PPP2R2C: variants seen among roughly 807,000 people sequenced by gnomAD.
The protein encoded by PPP2R2C is protein phosphatase 2 regulatory subunit Bgamma.
In PPP2R2C, 10 loss-of-function variants were observed where a neutral mutation model predicts 45.3. The observed-to-expected ratio is 0.22, with a 90% CI of 0.14 to 0.37. The LOEUF (loss-of-function observed/expected upper bound fraction) is 0.37. PPP2R2C is among the 10% of genes least tolerant of loss of function. PPP2R2C has a pLI of 1.00. For synonymous variants in PPP2R2C, 257 were observed against 245.4 expected (o/e 1.05, Z -0.44); for missense variants, 308 against 619.7 (o/e 0.50, Z 5.34).
intron 6 of PPP2R2C, among the ~76,000 whole-genome samples, chr4:6,346,657 G>T (rs1577088922): frequency 6.6e-6 from 1 of 152,222 alleles, no homozygotes; most frequent in East Asian, 1.9e-4. Flanking sequence ...AGATGAGGGG[G>T]TGGATGTGGG....
At chr4:6,350,531 T>C in intron 5 of PPP2R2C, 1 of 985,310 alleles carries the variant, frequency 1.0e-6, no homozygotes, top group Non-Finnish European at 1.2e-6. Context: ...AGGAGTTCTG[T>C]TTGCGTCATC....
intron 1 of PPP2R2C, among the ~76,000 whole-genome samples, chr4:6,424,721 C>G (rs373193323): frequency 2.6e-5 from 4 of 152,236 alleles, no homozygotes; most frequent in Middle Eastern, 3.4e-3. Context: ...TGCAAGGGTT[C>G]AGGGATGGGA....
chr4:6,485,686 T>C (rs1283455252), intron 2 of PPP2R2C, among the ~76,000 whole-genome samples: 1 of 151,896 alleles, frequency 6.6e-6, no homozygotes, highest in East Asian at 1.9e-4. Flanking sequence ...CTTATTGTTA[T>C]TTTAATGACT....
chr4:6,348,058 G>A, intron 5 of PPP2R2C, 48 bp from the exon 6 acceptor site: 1 of 1,593,670 alleles, frequency 6.3e-7, no homozygotes, highest in Admixed American at 1.7e-5. Context: ...CGCCCTCAAT[G>A]CTCCGCCTTC....
At chr4:6,558,151 G>A (rs1389803123) in intron 1 of PPP2R2C, among the ~76,000 whole-genome samples, 1 of 152,208 alleles carries the variant, frequency 6.6e-6, no homozygotes, top group Non-Finnish European at 1.5e-5. Context: ...TGGCTGTGAT[G>A]ATCGCATCCC....
intron 2 of PPP2R2C, among the ~76,000 whole-genome samples, chr4:6,520,735 C>G (rs1723992449): frequency 6.6e-6 from 1 of 152,228 alleles, no homozygotes; most frequent in African/African-American, 2.4e-5. Context: ...AGCCTGGGAG[C>G]TGTGGTGTGG....
intron 2 of PPP2R2C, among the ~76,000 whole-genome samples, chr4:6,532,923 T>C (rs1014143585): frequency 2.0e-5 from 3 of 152,248 alleles, no homozygotes; most frequent in African/African-American, 4.8e-5. Context: ...TTGTCTGCTC[T>C]ATTCACAGAG....
chr4:6,514,069 AC>A (rs774830773), intron 2 of PPP2R2C, among the ~76,000 whole-genome samples: 15 of 152,242 alleles, frequency 9.9e-5, no homozygotes, highest in Non-Finnish European at 1.8e-4. Flanking sequence ...GTTCATGTGC[AC>A]CGAATTCATT....
At chr4:6,470,093 C>A (rs1044545724) in intron 1 of PPP2R2C, among the ~76,000 whole-genome samples, 1 of 152,200 alleles carries the variant, frequency 6.6e-6, no homozygotes, top group Non-Finnish European at 1.5e-5. Flanking sequence ...ACCGTTGCAC[C>A]TGCTCCTCAC....
chr4:6,559,625 C>G (rs1725513290), intron 1 of PPP2R2C, among the ~76,000 whole-genome samples: 1 of 152,094 alleles, frequency 6.6e-6, no homozygotes, highest in Non-Finnish European at 1.5e-5. Flanking sequence ...ATCCTAACCC[C>G]CAATGTGAGA....
intron 1 of PPP2R2C, chr4:6,383,191 C>T: frequency 8.4e-7 from 1 of 1,186,716 alleles, no homozygotes; most frequent in Non-Finnish European, 1.1e-6. Flanking sequence ...CGCAGGCTGG[C>T]CCACTGGCCC....
At chr4:6,550,339 CAT>C (rs1219872755) in intron 1 of PPP2R2C, among the ~76,000 whole-genome samples, 1 of 152,100 alleles carries the variant, frequency 6.6e-6, no homozygotes, top group Admixed American at 6.5e-5. Flanking sequence ...CAGGCCAGCA[CAT>C]GAGACCCTTG....
chr4:6,511,759 G>T (rs1186266198), intron 2 of PPP2R2C, among the ~76,000 whole-genome samples: 1 of 49,338 alleles, frequency 2.0e-5, no homozygotes. Context: ...GGCAATGGTG[G>T]TGGTGATGGT....
At position 6,322,599 on chromosome 4, in the gene PPP2R2C, G is replaced by A. The variant is rs1053648836; in HGVS notation, c.*703C>T. On this transcript the variant is annotated 3_prime_UTR_variant, in exon 9 of 9. Transcript: ENST00000382599. This position sits in a 1 kb window ranked among gnomAD's most constrained non-coding sequence, Gnocchi z 7.8. ...TCAGCAAATGGCAGGTGAATCAGATGAGGACACAGGCACACAGAAGACAAA... is the reference window on the plus strand; with the variant it reads ...TCAGCAAATGGCAGGTGAATCAGATAAGGACACAGGCACACAGAAGACAAA... 3.3e-5 allele frequency: 5 copies of A among 152,216 alleles called. No homozygotes were observed. The highest frequency in any genetic ancestry group is 5.9e-5 in the Non-Finnish European group (4 of 68,080). 9.4% of individuals were successfully genotyped at this position (152,216 alleles called of 1,614,324 possible).
chr4:6,462,538 G>T (rs1240130879), intron 1 of PPP2R2C, among the ~76,000 whole-genome samples: 1 of 152,042 alleles, frequency 6.6e-6, no homozygotes, highest in Non-Finnish European at 1.5e-5. Flanking sequence ...CTGAAAAGGG[G>T]ATGGAGGCTG....
intron 1 of PPP2R2C, among the ~76,000 whole-genome samples, chr4:6,389,366 G>A (rs1377057066): frequency 2.0e-5 from 3 of 152,226 alleles, no homozygotes; most frequent in Non-Finnish European, 4.4e-5. Context: ...ATCCATCAGG[G>A]CTCAGGGCAG....
chr4:6,452,644 C>G (rs2108747920), intron 1 of PPP2R2C, among the ~76,000 whole-genome samples: 1 of 152,366 alleles, frequency 6.6e-6, no homozygotes, highest in African/African-American at 2.4e-5. Context: ...CCCACTGTCC[C>G]CATGTGGCCA....
intron 2 of PPP2R2C, among the ~76,000 whole-genome samples, chr4:6,519,930 CAT>C (rs2108812794): frequency 6.6e-6 from 1 of 152,108 alleles, no homozygotes; most frequent in South Asian, 2.1e-4. Flanking sequence ...CTGGCTTGCT[CAT>C]ATATATCTCA....
At position 6,332,774 on chromosome 4, in the gene PPP2R2C, G is replaced by A. The variant is rs1463668064; in HGVS notation, c.960+788C>T. Among the ~76,000 whole-genome samples the A allele has an allele frequency of 6.6e-6, 1 of 152,146 alleles. No individual in the cohort carries two copies. Among genetic ancestry groups the A allele is most frequent in the Non-Finnish European group, 1.5e-5 (1 of 68,042 alleles). On this transcript the variant is annotated intron_variant, in intron 7 of 8. Coordinates refer to ENST00000382599, the MANE Select transcript of PPP2R2C (RefSeq NM_020416.4). This position sits in a 1 kb window ranked among gnomAD's most constrained non-coding sequence, Gnocchi z 4.9. ...AGATGTCAAGCACGTGGCACCCCAT[G>A]TGTGAGGAGTGACACGGTGAGGAAC...
Sources: allele counts gnomAD v4.1 joint callset (sites outside exome capture counted in the v4.1 genomes callset), GRCh38; gene constraint gnomAD v4.1.1; non-coding constraint Gnocchi (gnomAD v3.1); transcripts MANE v1.5; gene names NCBI Gene and HGNC (gene_info 2026-07-23, HGNC 2026-07-21).